Variants in PRKDC observed in about 807,000 individuals in gnomAD.
The protein encoded by PRKDC is protein kinase, DNA-activated, catalytic subunit, also known as DNA-dependent protein kinase catalytic subunit.
In PRKDC, 82 loss-of-function variants were observed where a neutral mutation model predicts 486.9. The ratio of observed to expected loss-of-function variants is 0.17; its 90% CI spans 0.14 to 0.20. The LOEUF (loss-of-function observed/expected upper bound fraction) is 0.20, where lower values mean the gene tolerates loss of function less well. Among genes scored for constraint, PRKDC ranks in the 10% least tolerant of loss-of-function variants. The pLI is 1.00. For missense variants in PRKDC, 4,504 were observed against 5,038.2 expected, an observed-to-expected ratio of 0.89 and a Z score of 3.21; for synonymous variants, 1,895 against 1,837.0, an observed-to-expected ratio of 1.03 and a Z score of -0.81.
At chr8:47,941,882 T>TGG (rs2090450566) in intron 10 of PRKDC, among the ~76,000 whole-genome samples, 1 of 152,218 alleles carries the variant, frequency 6.6e-6, no homozygotes, top group Admixed American at 6.5e-5. Context: ...TAGTTTTCAT[T>TGG]AAGAATTGGA....
intron 16 of PRKDC, among the ~76,000 whole-genome samples, chr8:47,931,528 C>T (rs1210634191): frequency 6.6e-6 from 1 of 151,478 alleles, no homozygotes; most frequent in Non-Finnish European, 1.5e-5. Context: ...TTATTTTAGA[C>T]ATTTGCAAAG....
chr8:47,799,990 A>T (rs2087065638), intron 71 of PRKDC, among the ~76,000 whole-genome samples: 2 of 152,228 alleles, frequency 1.3e-5, no homozygotes, highest in Non-Finnish European at 2.9e-5. Context: ...ATTCAAAAAA[A>T]TTTAAAATTC....
At chr8:47,825,094 AGC>A (rs1472764828) in intron 63 of PRKDC, among the ~76,000 whole-genome samples, 2 of 152,218 alleles carry the variant, frequency 1.3e-5, no homozygotes, top group Non-Finnish European at 2.9e-5. Flanking sequence ...ATGGAGCAGC[AGC>A]TCATGGCCCC....
chr8:47,882,873 T>C (rs946663429), intron 36 of PRKDC, among the ~76,000 whole-genome samples: 1 of 152,248 alleles, frequency 6.6e-6, no homozygotes. Flanking sequence ...AATGTGTCTG[T>C]CATTAATTCG....
chr8:47,903,173 A>T (rs960438215), intron 26 of PRKDC, among the ~76,000 whole-genome samples: 7 of 152,188 alleles, frequency 4.6e-5, no homozygotes, highest in Non-Finnish European at 8.8e-5. Context: ...AGCTTTTGAG[A>T]CACTTTGCAT....
chr8:47,877,907 A>G, intron 39 of PRKDC, 56 bp from the exon 40 acceptor site: 1 of 1,305,236 alleles, frequency 7.7e-7, no homozygotes, highest in Non-Finnish European at 1.0e-6. Context: ...TTTTGCTTCA[A>G]TAGTTAAATT....
chr8:47,951,036 C>A (rs2090617823), intron 7 of PRKDC, among the ~76,000 whole-genome samples: 1 of 151,918 alleles, frequency 6.6e-6, no homozygotes, highest in Admixed American at 6.6e-5. Flanking sequence ...TTTTTGTGTA[C>A]CAAAGGACAT....
At chr8:47,913,777 A>G (rs2089944487) in intron 24 of PRKDC, 124 bp downstream of exon 24, 4 of 965,410 alleles carry the variant, frequency 4.1e-6, no homozygotes, top group South Asian at 2.9e-5. Context: ...TCTAATTACT[A>G]TATTACAGAA....
chr8:47,807,336 G>A lies in PRKDC; in HGVS notation c.9558-10C>T. 1.3e-6 allele frequency: 2 copies of A among 1,520,390 alleles called. No individual in the cohort carries two copies. The highest frequency in any genetic ancestry group is 1.8e-6 in the Non-Finnish European group (2 of 1,132,468). 94.2% of individuals were successfully genotyped at this position (1,520,390 alleles called of 1,614,324 possible). A position where few individuals can be genotyped will look rare whatever the true frequency, so the allele number is the denominator to read the frequency against. ...GCTGAGAAAGAAACATCTACACAAAGAAAAATGAGACAATGTCACAGACTC... is the reference window on the plus strand; with the variant it reads ...GCTGAGAAAGAAACATCTACACAAAAAAAAATGAGACAATGTCACAGACTC... On this transcript the variant is annotated splice_polypyrimidine_tract_variant and intron_variant, in intron 68 of 85. Coordinates refer to ENST00000314191, the MANE Select transcript of PRKDC (RefSeq NM_006904.7).
Position 47,877,883 on chromosome 8 carries a change from T to C in PRKDC, c.5236-32A>G, listed in dbSNP as rs376545225. 4.1e-5 allele frequency: 57 copies of C among 1,404,898 alleles called. 2 individuals carry two copies. In the African/African-American group the frequency reaches 7.1e-4, roughly 18 times the overall value. 87.0% of individuals were successfully genotyped at this position (1,404,898 alleles called of 1,614,324 possible). A position where few individuals can be genotyped will look rare whatever the true frequency, so the allele number is the denominator to read the frequency against. The stretch of plus-strand genomic sequence containing the variant: ...AAAATACATCAACATCATTAAAATT[T>C]TGTTGGGTTTTACTTTTGCTTCAAT... On this transcript the variant is annotated intron_variant, in intron 39 of 85. Transcript: ENST00000314191.
At chr8:47,779,673 T>C (rs1296910969) in intron 80 of PRKDC, among the ~76,000 whole-genome samples, 2 of 152,162 alleles carry the variant, frequency 1.3e-5, no homozygotes, top group Admixed American at 1.3e-4. Context: ...CACTGCAACC[T>C]CTGCCTCATG....
chr8:47,945,017 G>A (rs2090507854), intron 7 of PRKDC, among the ~76,000 whole-genome samples: 1 of 152,204 alleles, frequency 6.6e-6, no homozygotes, highest in Non-Finnish European at 1.5e-5. Flanking sequence ...TTTGTTCTAA[G>A]ACTGAAAGAA....
chr8:47,885,325 G>T (rs565578293), intron 36 of PRKDC, among the ~76,000 whole-genome samples: 2 of 151,434 alleles, frequency 1.3e-5, no homozygotes, highest in South Asian at 4.2e-4. Flanking sequence ...CTAATTTTTT[G>T]TATTTTTAGT....
intron 60 of PRKDC, 137 bp from the exon 61 acceptor site, chr8:47,830,873 C>T (rs1194945413): frequency 1.1e-5 from 11 of 1,039,262 alleles, no homozygotes; most frequent in Admixed American, 4.2e-5. Flanking sequence ...GAGGCTCAGT[C>T]GCCGTACTTT....
rs754717118 is a variant in PRKDC, at chr8:47,776,795, A to G, written c.12182+49T>C. ...TATATATGTTGGCTCCTCGAGAAAC[A>G]GTAGCATGTCGGTAGTCCGTTAGTT... On this transcript the variant is annotated intron_variant, in intron 85 of 85. Transcript: ENST00000314191. The G allele has an allele frequency of 3.7e-6, 6 of 1,604,894 alleles. No individual in the cohort carries two copies. In the Admixed American group the frequency reaches 8.5e-5, roughly 23 times the overall value.
At chr8:47,778,935 C>CA in intron 81 of PRKDC, 69 bp downstream of exon 81, 1 of 1,450,816 alleles carries the variant, frequency 6.9e-7, no homozygotes, top group South Asian at 1.3e-5. Context: ...AGCTAAGAAT[C>CA]AAAAGAAAAC....
chr8:47,936,625 T>G, intron 11 of PRKDC, 108 bp from the exon 12 acceptor site: 8 of 1,319,232 alleles, frequency 6.1e-6, no homozygotes, highest in Non-Finnish European at 8.2e-6. Context: ...TAACAAGGCT[T>G]CTTTTTTTTT....
intron 27 of PRKDC, among the ~76,000 whole-genome samples, chr8:47,901,015 G>A (rs142680890): frequency 1.5e-4 from 23 of 151,982 alleles, no homozygotes; most frequent in African/African-American, 5.1e-4. Context: ...TTAGTTGGGT[G>A]CAGTGGTGCA....
At position 47,774,365 on chromosome 8, in the gene PRKDC, G is replaced by C. The variant is rs2086568669; in HGVS notation, c.12195C>G (p.Leu4065=). The change falls in exon 86 of 86, where the codon CTC becomes CTG. Residue 4065 remains leucine, a synonymous_variant. Coordinates refer to ENST00000314191, the MANE Select transcript of PRKDC (RefSeq NM_006904.7). ...NPAVITCDEL[L]LGHEKAPAFR... ...AGGCAGGGGCCTTCTCATGACCCAG[G>C]AGTAGCTCATCACTGGAAAAAAAAC... is the stretch of plus-strand genomic sequence containing the variant. 3 of 1,612,740 alleles carry C rather than the reference G, an allele frequency of 1.9e-6. No individual in the cohort carries two copies. The highest frequency in any genetic ancestry group is 2.5e-6 in the Non-Finnish European group (3 of 1,179,716).
Sources: allele counts gnomAD v4.1 joint callset (sites outside exome capture counted in the v4.1 genomes callset), GRCh38; gene constraint gnomAD v4.1.1; transcripts MANE v1.5; gene names NCBI Gene and HGNC (gene_info 2026-07-23, HGNC 2026-07-21).